Variants in VPS13A observed in about 807,000 individuals in gnomAD.
VPS13A encodes the protein vacuolar protein sorting 13 homolog A.
A neutral mutation model predicts 390.9 loss-of-function variants in VPS13A; 264 were observed. The observed-to-expected ratio is 0.68, with a 90% CI of 0.61 to 0.75. VPS13A has a LOEUF of 0.75. Ranked by LOEUF, VPS13A falls within the 30% of genes least tolerant of loss-of-function variation. The pLI is 0.00. For synonymous variants in VPS13A, 1,231 were observed against 1,227.1 expected, an observed-to-expected ratio of 1.00 and a Z score of -0.07; for missense variants, 3,409 against 3,733.9, an observed-to-expected ratio of 0.91 and a Z score of 2.27.
intron 68 of VPS13A, among the ~76,000 whole-genome samples, chr9:77,385,776 GATTTA>G (rs1346355924): frequency 3.3e-5 from 5 of 152,016 alleles, no homozygotes; most frequent in Non-Finnish European, 5.9e-5. Context: ...AGCAACAGGT[GATTTA>G]ATTTAACTGA....
chr9:77,407,482 A>G (rs1267146197), intron 70 of VPS13A, 51 bp from the exon 71 acceptor site: 10 of 1,490,098 alleles, frequency 6.7e-6, no homozygotes, highest in Admixed American at 1.7e-5. Flanking sequence ...TTCTTTATGG[A>G]TTTTTACAAC....
intron 52 of VPS13A, 54 bp downstream of exon 52, chr9:77,345,196 G>C (rs776169134): frequency 1.2e-4 from 197 of 1,577,340 alleles, no homozygotes; most frequent in Non-Finnish European, 1.6e-4. Context: ...AGATGATGAG[G>C]CACAGTTTTT....
rs202116237 is a variant in VPS13A at position 77,314,154 on chromosome 9, A to T, written c.4242+35A>T. The T allele has an allele frequency of 3.9e-5, 62 of 1,610,316 alleles. No homozygotes were observed. In the African/African-American group the frequency reaches 7.9e-4, roughly 20 times the overall value. On this transcript the variant is annotated intron_variant, in intron 36 of 71. Transcript: ENST00000360280. ...GGAAGAAAAGAAAATGTATTTTCAC[A>T]TGTGAAATTTGCATAGGTTGATGTT...
intron 26 of VPS13A, 94 bp downstream of exon 26, chr9:77,276,315 A>G: frequency 8.6e-7 from 1 of 1,166,092 alleles, no homozygotes; most frequent in Non-Finnish European, 1.2e-6. Context: ...GAATCAGTAC[A>G]TTTGCTGAAA....
rs1307570448 is a variant in VPS13A at position 77,415,953 on chromosome 9, C to T, written c.9475-3C>T. On this transcript the variant is annotated splice_polypyrimidine_tract_variant and splice_region_variant and intron_variant, in intron 71 of 71. Coordinates refer to ENST00000360280, the MANE Select transcript of VPS13A (RefSeq NM_033305.3). ...CAAATGTTCATTTATTTTCCCACCG[C>T]AGTGGATCCTCACAAAGCTACAAGA... 5 of 1,613,190 alleles carry T rather than the reference C, an allele frequency of 3.1e-6. No homozygotes were observed. The African/African-American group carries it at 6.7e-5, about 22-fold the overall frequency.
At chr9:77,211,199 A>G (rs1243368833) in intron 7 of VPS13A, 2 of 152,962 alleles carry the variant, frequency 1.3e-5, no homozygotes, top group Non-Finnish European at 2.9e-5. Context: ...TTAAAGTCTT[A>G]AATATTTTTA....
At chr9:77,289,406 T>C (rs1827520479) in intron 31 of VPS13A, among the ~76,000 whole-genome samples, 1 of 152,214 alleles carries the variant, frequency 6.6e-6, no homozygotes, top group South Asian at 2.1e-4. Context: ...TATCCTATTG[T>C]ATTCCTCCTT....
intron 68 of VPS13A, among the ~76,000 whole-genome samples, chr9:77,392,516 GTGT>G (rs1833937107): frequency 6.6e-6 from 1 of 151,948 alleles, no homozygotes; most frequent in Non-Finnish European, 1.5e-5. Flanking sequence ...GCTTATCTTG[GTGT>G]TGTTGCTAGG....
At chr9:77,415,111 C>T (rs1835121009) in intron 71 of VPS13A, among the ~76,000 whole-genome samples, 1 of 152,210 alleles carries the variant, frequency 6.6e-6, no homozygotes, top group East Asian at 1.9e-4. Context: ...TCACCTGGAA[C>T]AGGGAGACAG....
intron 6 of VPS13A, 105 bp from the exon 7 acceptor site, chr9:77,210,511 T>C: frequency 2.7e-6 from 3 of 1,116,278 alleles, no homozygotes; most frequent in Non-Finnish European, 4.0e-6. Context: ...TCCAGAGTGC[T>C]GGGATTACAG....
chr9:77,311,686 C>G (rs543766066), intron 35 of VPS13A, among the ~76,000 whole-genome samples: 30 of 152,076 alleles, frequency 2.0e-4, no homozygotes, highest in African/African-American at 7.0e-4. Flanking sequence ...ACAAAAAAAT[C>G]GGAAAGAATA....
Position 77,205,401 on chromosome 9 carries a change from T to G in VPS13A, c.276T>G (p.Pro92=). The G allele has an allele frequency of 1.4e-6, 2 of 1,390,338 alleles. No individual in the cohort carries two copies. The highest frequency in any genetic ancestry group is 2.5e-5 in the East Asian group (1 of 39,312). The allele number at this position is 1,390,338 out of a possible 1,614,324, so 86.1% of individuals were successfully genotyped here. A position where few individuals can be genotyped will look rare whatever the true frequency, so the allele number is the denominator to read the frequency against. Residue 92 remains proline, a synonymous_variant, in exon 4 of 72, where the codon CCT becomes CCG. Transcript: ENST00000360280. The part of the protein sequence containing the change: ...VLEEIYLLIV[P]SSRIKYDPLK... ...AAGAAATTTATTTACTTATAGTGCCTTCTTCTAGTAAGTTAAATTTAAAAA... is the reference window on the plus strand; with the variant it reads ...AAGAAATTTATTTACTTATAGTGCCGTCTTCTAGTAAGTTAAATTTAAAAA...
At position 77,386,997 on chromosome 9, in the gene VPS13A, C is replaced by G. The variant is rs375628155; in HGVS notation, c.9189+4910C>G. ...GGGATTACAGGCGTGAGCCACCGCA[C>G]CCAGCCGAGATCTGCTCTTTGACAG... On this transcript the variant is annotated intron_variant, in intron 68 of 71. Coordinates refer to ENST00000360280, the MANE Select transcript of VPS13A (RefSeq NM_033305.3). 9.2e-5 allele frequency among the ~76,000 whole-genome samples: 14 copies of G among 152,010 alleles called. No individual in the cohort carries two copies. The East Asian group carries it at 2.7e-3, about 29-fold the overall frequency.
intron 1 of VPS13A, among the ~76,000 whole-genome samples, chr9:77,191,734 T>TC (rs1337476635): frequency 5.9e-5 from 9 of 152,224 alleles, no homozygotes; most frequent in African/African-American, 1.9e-4. Context: ...TATTGCACTG[T>TC]CATCTTGAGA....
Position 77,370,875 on chromosome 9 carries a change from G to A in VPS13A, c.8908-15G>A, listed in dbSNP as rs1274464865. On this transcript the variant is annotated splice_polypyrimidine_tract_variant and intron_variant, in intron 65 of 71. Transcript: ENST00000360280. ...AAAAAAGTATTGTAAATTTTCAGTT[G>A]TGTTTTCCTTCTAGGGATTTGTTAG... The A allele has an allele frequency of 1.2e-6, 2 of 1,612,474 alleles. No individual in the cohort carries two copies. Among genetic ancestry groups the A allele is most frequent in the South Asian group, 1.1e-5 (1 of 91,008 alleles).
At chr9:77,392,347 A>G (rs188922509) in intron 68 of VPS13A, among the ~76,000 whole-genome samples, 6 of 152,206 alleles carry the variant, frequency 3.9e-5, no homozygotes, top group Non-Finnish European at 7.3e-5. Flanking sequence ...AATAAAAATT[A>G]TTTTGAGATA....
rs544240942 is a variant in VPS13A at position 77,202,125 on chromosome 9, T to A, written c.187+718T>A. On this transcript the variant is annotated intron_variant, in intron 3 of 71. Coordinates refer to ENST00000360280, the MANE Select transcript of VPS13A (RefSeq NM_033305.3). ...TACTGTTGTCACTTGGGGAACAAAG[T>A]ATTCTGAAAGGTTACCTAGATTACA... Among the ~76,000 whole-genome samples, 20 of 152,268 alleles carry A rather than the reference T, an allele frequency of 1.3e-4. No individual in the cohort carries two copies. The South Asian group carries it at 3.3e-3, about 25-fold the overall frequency.
Position 77,206,023 on chromosome 9 carries a change from C to A in VPS13A, c.329C>A (p.Ala110Glu). Residue 110 changes from alanine to glutamate, a missense_variant, in exon 5 of 72, where the codon GCA becomes GAA. Transcript: ENST00000360280. ...AAAGAAGAGAAACAACTCATGGAAG[C>A]AAAGCAACAGGAACTGAAAAGAATA... is the stretch of plus-strand genomic sequence containing the variant. ...PLKEEKQLME[A>E]KQQELKRIEE... The A allele has an allele frequency of 6.3e-7, 1 of 1,581,156 alleles. No individual in the cohort carries two copies. Among genetic ancestry groups the A allele is most frequent in the Non-Finnish European group, 8.6e-7 (1 of 1,161,686 alleles).
intron 13 of VPS13A, among the ~76,000 whole-genome samples, chr9:77,222,220 G>A (rs1823259488): frequency 6.6e-6 from 1 of 152,126 alleles, no homozygotes; most frequent in Admixed American, 6.6e-5. Flanking sequence ...TGGGCTTAGA[G>A]TCTTTGGGGG....
Sources: allele counts gnomAD v4.1 joint callset (sites outside exome capture counted in the v4.1 genomes callset), GRCh38; gene constraint gnomAD v4.1.1; transcripts MANE v1.5; gene names NCBI Gene and HGNC (gene_info 2026-07-23, HGNC 2026-07-21).